Variants in PCDHA1 observed in about 807,000 individuals in gnomAD.
PCDHA1 encodes the protein protocadherin alpha-1.
Under a neutral mutation model 61.3 loss-of-function variants are expected in PCDHA1, and 42 were observed. That is an observed-to-expected ratio of 0.69 (90% CI 0.54 to 0.89). The LOEUF (loss-of-function observed/expected upper bound fraction) is 0.89, where lower values mean the gene tolerates loss of function less well. Ranked by LOEUF, PCDHA1 falls within the 40% of genes least tolerant of loss-of-function variation. The pLI is 0.00. For synonymous variants in PCDHA1, 610 were observed against 553.8 expected (o/e 1.10, Z -1.43); for missense variants, 1,256 against 1,235.3 (o/e 1.02, Z -0.25).
chr5:140,789,837 C>A (rs1761556109), intron 1 of PCDHA1, among the ~76,000 whole-genome samples: 1 of 152,214 alleles, frequency 6.6e-6, no homozygotes, highest in South Asian at 2.1e-4. Flanking sequence ...ACTAAGTTTT[C>A]TTCAAATTTC....
chr5:140,927,459 A>G (rs2084222098), intron 1 of PCDHA1: 1 of 1,614,018 alleles, frequency 6.2e-7, no homozygotes, highest in Non-Finnish European at 8.5e-7. Flanking sequence ...TGTTGGAGAA[A>G]GCACTGGATC....
At chr5:140,953,092 G>A (rs141861684) in intron 1 of PCDHA1, among the ~76,000 whole-genome samples, 2 of 152,252 alleles carry the variant, frequency 1.3e-5, no homozygotes, top group South Asian at 2.1e-4. Context: ...ATTACAATTT[G>A]ACATGAGATT....
intron 1 of PCDHA1, among the ~76,000 whole-genome samples, chr5:140,827,174 A>G (rs2150146581): frequency 1.9e-4 from 29 of 152,298 alleles, no homozygotes; most frequent in African/African-American, 7.0e-4. Context: ...TACCTCAATA[A>G]AAGTCTTATT....
intron 1 of PCDHA1, among the ~76,000 whole-genome samples, chr5:140,832,602 G>C (rs1385088779): frequency 1.3e-5 from 2 of 152,158 alleles, no homozygotes; most frequent in African/African-American, 4.8e-5. Context: ...CTATAGCGTT[G>C]CTAGTGAGTA....
intron 1 of PCDHA1, among the ~76,000 whole-genome samples, chr5:140,915,632 CT>C (rs782761734): frequency 6.2e-5 from 9 of 144,496 alleles, no homozygotes; most frequent in Non-Finnish European, 1.3e-4. Context: ...TTCTGTCTCT[CT>C]CTCTCTCTCT....
chr5:140,850,934 T>G (rs2150502964), intron 1 of PCDHA1: 2 of 1,514,156 alleles, frequency 1.3e-6, no homozygotes, highest in African/African-American at 1.4e-5. Flanking sequence ...TTTTTTTTCT[T>G]GAAAGATATT....
chr5:140,952,444 A>C (rs2094747203), intron 1 of PCDHA1, among the ~76,000 whole-genome samples: 2 of 152,178 alleles, frequency 1.3e-5, no homozygotes. Flanking sequence ...GGCATAATAC[A>C]GCCAGGCTCT....
chr5:140,828,047 T>C, intron 1 of PCDHA1: 1 of 1,543,604 alleles, frequency 6.5e-7, no homozygotes, highest in Non-Finnish European at 8.7e-7. Flanking sequence ...ATTTTATCTT[T>C]ATGCGGAAGA....
chr5:140,891,409 C>A (rs1295005747), intron 1 of PCDHA1, among the ~76,000 whole-genome samples: 1 of 148,202 alleles, frequency 6.7e-6, no homozygotes. Flanking sequence ...CGCCACCCCC[C>A]ACTCTTGCCC....
At chr5:140,927,818 A>C (rs1554205106) in intron 1 of PCDHA1, 1 of 1,614,190 alleles carries the variant, frequency 6.2e-7, no homozygotes, top group Admixed American at 1.7e-5. Flanking sequence ...TTGGAGGCAT[A>C]CATTGAGGCG....
At chr5:140,797,845 A>AT (rs11296857) in intron 1 of PCDHA1, among the ~76,000 whole-genome samples, 212 of 150,156 alleles carry the variant, frequency 1.4e-3, no homozygotes, top group Middle Eastern at 6.8e-3. Flanking sequence ...AATAAGCTAC[A>AT]TTTTTTTTTT....
chr5:140,834,254 G>A, intron 1 of PCDHA1: 1 of 927,246 alleles, frequency 1.1e-6, no homozygotes, highest in Non-Finnish European at 1.6e-6. Flanking sequence ...CTGGAAAGAC[G>A]CTCCACTCTC....
rs1554158025 is a variant in PCDHA1, at chr5:140,863,249, T to G, written c.2394+74565T>G. On this transcript the variant is annotated intron_variant, in intron 1 of 3. Transcript: ENST00000504120. ...GTCCCATCGCGGGCTTTGGCGGGCGTCGAGGTCCGGGAGGCAGCGCTGGTG... is the reference window on the plus strand; with the variant it reads ...GTCCCATCGCGGGCTTTGGCGGGCGGCGAGGTCCGGGAGGCAGCGCTGGTG... The G allele has an allele frequency of 2.8e-6, 4 of 1,406,824 alleles. No homozygotes were observed. In the Admixed American group the frequency reaches 7.2e-5, roughly 25 times the overall value. The allele number at this position is 1,406,824 out of a possible 1,614,324, so 87.1% of individuals were successfully genotyped here.
Position 140,796,894 on chromosome 5 carries a change from C to G in PCDHA1, c.2394+8210C>G, listed in dbSNP as rs143944331. 7 of 1,613,830 alleles carry G rather than the reference C, an allele frequency of 4.3e-6. No homozygotes were observed. The East Asian group carries it at 1.3e-4, about 31-fold the overall frequency. ...TGCCCTAGACGAGGCTGACTCCCCT[C>G]GACACCGCCTACTCGTGCTGGTGAA... On this transcript the variant is annotated intron_variant, in intron 1 of 3. Coordinates refer to ENST00000504120, the MANE Select transcript of PCDHA1 (RefSeq NM_018900.4).
chr5:140,911,778 A>G (rs2075636196), intron 1 of PCDHA1, among the ~76,000 whole-genome samples: 1 of 152,228 alleles, frequency 6.6e-6, no homozygotes, highest in Admixed American at 6.5e-5. Flanking sequence ...TACAGTCCTT[A>G]GCATTTTTGG....
intron 1 of PCDHA1, among the ~76,000 whole-genome samples, chr5:140,937,353 T>C (rs2091494629): frequency 6.6e-6 from 1 of 152,146 alleles, no homozygotes; most frequent in Admixed American, 6.5e-5. Context: ...ATTTATTTTA[T>C]TATTTTATCT....
chr5:140,857,392 C>G (rs142727326), intron 1 of PCDHA1: 2 of 1,598,470 alleles, frequency 1.3e-6, no homozygotes, highest in African/African-American at 1.3e-5. Flanking sequence ...CCGACGTGAA[C>G]GACAACGCGC....
intron 3 of PCDHA1, among the ~76,000 whole-genome samples, chr5:140,993,183 A>C (rs551464442): frequency 2.7e-4 from 41 of 152,298 alleles, no homozygotes; most frequent in Non-Finnish European, 5.0e-4. Flanking sequence ...ATTTCTTTAG[A>C]GGGAAACTCA....
At chr5:140,834,438 A>G (rs2150217991) in intron 1 of PCDHA1, 1 of 1,606,228 alleles carries the variant, frequency 6.2e-7, no homozygotes, top group South Asian at 1.1e-5. Flanking sequence ...GCTGTTTATT[A>G]TAATTCTAGC....
Sources: allele counts gnomAD v4.1 joint callset (sites outside exome capture counted in the v4.1 genomes callset), GRCh38; gene constraint gnomAD v4.1.1; transcripts MANE v1.5; gene names NCBI Gene and HGNC (gene_info 2026-07-23, HGNC 2026-07-21).